The following MFSD11 variants were observed in gnomAD, a reference collection of about 807,000 sequenced individuals.
MFSD11 encodes UNC93-like protein MFSD11.
Under a neutral mutation model 53.5 loss-of-function variants are expected in MFSD11, and 36 were observed. The observed-to-expected ratio is 0.67, with a 90% CI of 0.52 to 0.89. The LOEUF is 0.89. MFSD11 is among the 40% of genes least tolerant of loss of function. The pLI, the probability that MFSD11 is intolerant of heterozygous loss-of-function variation, is 0.00. For missense variants in MFSD11, 530 were observed against 543.9 expected, an observed-to-expected ratio of 0.97 and a Z score of 0.25; for synonymous variants, 186 against 184.9, an observed-to-expected ratio of 1.01 and a Z score of -0.05.
At chr17:76,792,873 G>A in the MFSD11 span, among the ~76,000 whole-genome samples, 2 of 151,472 alleles carry the variant, frequency 1.3e-5, no homozygotes, top group African/African-American at 2.5e-5. Flanking sequence ...GTACAAAAGA[G>A]AGAAATTTTA....
intron 9 of MFSD11, among the ~76,000 whole-genome samples, chr17:76,768,318 A>G (rs2081056079): frequency 6.6e-6 from 1 of 152,022 alleles, no homozygotes; most frequent in South Asian, 2.1e-4. Context: ...AAAAAAAAAA[A>G]AAAAAAGTCA....
At chr17:76,773,966 C>T (rs2144873120) in intron 10 of MFSD11, among the ~76,000 whole-genome samples, 1 of 151,754 alleles carries the variant, frequency 6.6e-6, no homozygotes, top group East Asian at 1.9e-4. Flanking sequence ...TGCTCTGTCA[C>T]CCGTGCTGGA....
In MFSD11 at chr17:76,738,935, C is replaced by T. The variant is rs1369368404; in HGVS notation, c.97-3C>T. 1.2e-6 allele frequency: 2 copies of T among 1,613,712 alleles called. No individual in the cohort carries two copies. Among genetic ancestry groups the T allele is most frequent in the Non-Finnish European group, 1.7e-6 (2 of 1,179,592 alleles). On this transcript the variant is annotated splice_region_variant and splice_polypyrimidine_tract_variant and intron_variant, in intron 1 of 12. Coordinates refer to ENST00000685175, the MANE Select transcript of MFSD11 (RefSeq NM_001242532.5). ...TCGTTGATTAGTTTTATCTTCCACA[C>T]AGCAAACTGTCATCAGGAGCTTAAA... is the stretch of plus-strand genomic sequence containing the variant.
At chr17:76,762,510 CA>C (rs1044936659) in intron 8 of MFSD11, among the ~76,000 whole-genome samples, 10 of 151,922 alleles carry the variant, frequency 6.6e-5, no homozygotes, top group Non-Finnish European at 1.5e-5. Context: ...ACTAAAAATA[CA>C]AAAAAATTAG....
chr17:76,795,319 CAAAAAAAAA>C, the MFSD11 span, among the ~76,000 whole-genome samples: 1 of 116,294 alleles, frequency 8.6e-6, no homozygotes, highest in Non-Finnish European at 1.7e-5. Context: ...CTGTTTCTAC[CAAAAAAAAA>C]AAAAAAAAAA....
intron 10 of MFSD11, among the ~76,000 whole-genome samples, chr17:76,774,495 T>C (rs1239313801): frequency 6.6e-6 from 1 of 152,252 alleles, no homozygotes; most frequent in Non-Finnish European, 1.5e-5. Context: ...TCTCCTCTTC[T>C]CACTCTTGAG....
At chr17:76,795,319 CA>C in the MFSD11 span, among the ~76,000 whole-genome samples, 5,434 of 116,192 alleles carry the variant, frequency 0.047, 367 homozygotes, top group African/African-American at 0.16. Flanking sequence ...CTGTTTCTAC[CA>C]AAAAAAAAAA....
At chr17:76,754,319 A>G (rs2079359501) in intron 8 of MFSD11, 1 of 479,398 alleles carries the variant, frequency 2.1e-6, no homozygotes, top group Admixed American at 3.6e-5. Context: ...AGGGAAGTGG[A>G]AAGAGGCTGC....
At chr17:76,755,632 A>G (rs1411425882) in intron 8 of MFSD11, among the ~76,000 whole-genome samples, 2 of 151,258 alleles carry the variant, frequency 1.3e-5, no homozygotes, top group African/African-American at 2.4e-5. Context: ...GAAAAGGTCT[A>G]TGAGCATGGG....
At chr17:76,737,793 T>A (rs907350528), upstream of MFSD11, 9 of 161,476 alleles carry the variant, frequency 5.6e-5, no homozygotes, top group African/African-American at 2.2e-4. Flanking sequence ...CTCGGCCCCG[T>A]CCAGCCGTTC....
In MFSD11 at chr17:76,742,225, A is replaced by G; in HGVS notation, c.389A>G (p.His130Arg). 11 of 1,614,234 alleles carry G rather than the reference A, an allele frequency of 6.8e-6. No homozygotes were observed. Among genetic ancestry groups the G allele is most frequent in the Non-Finnish European group, 9.3e-6 (11 of 1,180,038 alleles). Residue 130 changes from histidine to arginine, a missense_variant, in exon 5 of 13, where the codon CAC (histidine) becomes CGC (arginine). By Grantham distance (29) the His-to-Arg change is conservative (BLOSUM62 0). Transcript: ENST00000685175. ...TGCCTGACAATCAATTCGGATGAGCACAGCATTGGGAGAAACAGTGGGATT... is the reference window on the plus strand; with the variant it reads ...TGCCTGACAATCAATTCGGATGAGCGCAGCATTGGGAGAAACAGTGGGATT... ...GNCLTINSDE[H>R]SIGRNSGIFW...
chr17:76,784,718 G>A (rs1255979256), downstream of MFSD11, among the ~76,000 whole-genome samples: 1 of 152,044 alleles, frequency 6.6e-6, no homozygotes, highest in Non-Finnish European at 1.5e-5. Context: ...GGCCAACATG[G>A]TATAACCCTG....
At chr17:76,773,757 G>A (rs1219157841) in intron 10 of MFSD11, among the ~76,000 whole-genome samples, 8 of 151,966 alleles carry the variant, frequency 5.3e-5, no homozygotes, top group African/African-American at 1.9e-4. Flanking sequence ...ACAGGCGCAC[G>A]CCACCACGCC....
At chr17:76,796,811 CAAAAAA>C in the MFSD11 span, among the ~76,000 whole-genome samples, 45 of 114,282 alleles carry the variant, frequency 3.9e-4, no homozygotes, top group African/African-American at 1.5e-3. Flanking sequence ...CTAAAAATAC[CAAAAAA>C]AAAAAAAAAA....
At chr17:76,786,695 G>A in the MFSD11 span, among the ~76,000 whole-genome samples, 1 of 152,212 alleles carries the variant, frequency 6.6e-6, no homozygotes, top group African/African-American at 2.4e-5. Context: ...GCCCACTAGA[G>A]ACACAGCACC....
intron 7 of MFSD11, among the ~76,000 whole-genome samples, chr17:76,753,700 A>AAAAG (rs57390338): frequency 8.6e-5 from 13 of 150,436 alleles, no homozygotes; most frequent in African/African-American, 2.0e-4. Flanking sequence ...AAAAAAAAAA[A>AAAAG]AAAGAAAGAA....
At chr17:76,796,606 C>G in the MFSD11 span, among the ~76,000 whole-genome samples, 63 of 152,076 alleles carry the variant, frequency 4.1e-4, no homozygotes, top group African/African-American at 1.4e-3. Flanking sequence ...AGGTCTCAGT[C>G]CCACAAGACT....
At chr17:76,746,342 A>G (rs1053608162) in intron 7 of MFSD11, among the ~76,000 whole-genome samples, 2 of 152,238 alleles carry the variant, frequency 1.3e-5, no homozygotes, top group Non-Finnish European at 2.9e-5. Flanking sequence ...CATCTCCATG[A>G]CATAAAAGTG....
chr17:76,771,418 T>C (rs2456783), intron 10 of MFSD11, among the ~76,000 whole-genome samples: 1,624 of 152,380 alleles, frequency 0.011, 23 homozygotes, highest in African/African-American at 0.036. Context: ...GTATATTGAA[T>C]ATTGTGTTAG....
Sources: gnomAD v4.1 joint callset for allele counts (sites outside exome capture counted in the v4.1 genomes callset) on GRCh38, gnomAD v4.1.1 for gene constraint, MANE v1.5 for transcripts, NCBI Gene and HGNC (gene_info 2026-07-23, HGNC 2026-07-21) for gene names.